The following GTF2F2 variants were observed in gnomAD, a reference collection of about 807,000 sequenced individuals.
GTF2F2 encodes ATP-dependent helicase GTF2F2.
GTF2F2 carries 23 observed loss-of-function variants against 42.2 expected under a neutral mutation model. The ratio of observed to expected loss-of-function variants is 0.55; its 90% CI spans 0.39 to 0.77. GTF2F2 has a LOEUF of 0.77. Ranked by LOEUF, GTF2F2 falls within the 30% of genes least tolerant of loss-of-function variation. The pLI, the probability that GTF2F2 is intolerant of heterozygous loss-of-function variation, is 0.00. For synonymous variants in GTF2F2, 105 were observed against 100.8 expected, an observed-to-expected ratio of 1.04 and a Z score of -0.25; for missense variants, 261 against 287.2, an observed-to-expected ratio of 0.91 and a Z score of 0.66.
intron 5 of GTF2F2, among the ~76,000 whole-genome samples, chr13:45,222,425 T>C (rs920494709): frequency 6.6e-6 from 1 of 152,206 alleles, no homozygotes; most frequent in African/African-American, 2.4e-5. Flanking sequence ...TTGACTTTTA[T>C]TTAATGTATT....
intron 1 of GTF2F2, among the ~76,000 whole-genome samples, chr13:45,130,353 T>C (rs1869278299): frequency 6.6e-6 from 1 of 152,226 alleles, no homozygotes; most frequent in African/African-American, 2.4e-5. Context: ...GTAAAGTGTT[T>C]AGAAAAGTGT....
intron 5 of GTF2F2, among the ~76,000 whole-genome samples, chr13:45,242,256 C>CTTTTT (rs71184405): frequency 8.5e-5 from 9 of 105,684 alleles, no homozygotes; most frequent in Admixed American, 1.0e-4. Flanking sequence ...GCTGGCACTT[C>CTTTTT]TTTTTTTTTT....
At chr13:45,235,895 G>A (rs930555224) in intron 5 of GTF2F2, among the ~76,000 whole-genome samples, 9 of 151,956 alleles carry the variant, frequency 5.9e-5, no homozygotes, top group African/African-American at 2.2e-4. Flanking sequence ...ATGAGCCACC[G>A]CACATGGCCA....
chr13:45,151,176 G>C lies in GTF2F2; in HGVS notation c.160-511G>C, dbSNP rs556034470. On this transcript the variant is annotated intron_variant, in intron 3 of 7. Coordinates refer to ENST00000340473, the MANE Select transcript of GTF2F2 (RefSeq NM_004128.3). The stretch of plus-strand genomic sequence containing the variant: ...CCAATGTCTGTTGTTCCCATCTTTA[G>C]GTCCGTGTCTACCCAATGTTTAGTT... 6.4e-4 allele frequency among the ~76,000 whole-genome samples: 97 copies of C among 152,098 alleles called. 2 individuals carry two copies. Among genetic ancestry groups the C allele is most frequent in the African/African-American group, 2.3e-3 (94 of 41,502 alleles).
At chr13:45,280,092 A>G (rs756051283) in intron 7 of GTF2F2, among the ~76,000 whole-genome samples, 6 of 152,222 alleles carry the variant, frequency 3.9e-5, no homozygotes, top group Admixed American at 6.5e-5. Context: ...GTCTTAAAGA[A>G]TGAGGGGTCC....
intron 4 of GTF2F2, among the ~76,000 whole-genome samples, chr13:45,168,958 C>T (rs1871456822): frequency 7.6e-6 from 1 of 131,238 alleles, no homozygotes; most frequent in Non-Finnish European, 1.6e-5. Flanking sequence ...TTCCCTCTTT[C>T]CCTCCTTACC....
chr13:45,241,979 A>T (rs1875336000), intron 5 of GTF2F2, among the ~76,000 whole-genome samples: 1 of 152,182 alleles, frequency 6.6e-6, no homozygotes, highest in South Asian at 2.1e-4. Context: ...CCAGATAAGG[A>T]TATAATACAT....
At chr13:45,138,955 G>A (rs1448912410) in intron 2 of GTF2F2, among the ~76,000 whole-genome samples, 2 of 152,182 alleles carry the variant, frequency 1.3e-5, no homozygotes, top group East Asian at 1.9e-4. Context: ...CGCGAGTGAA[G>A]ATTATTATGA....
chr13:45,186,796 A>G (rs2138163574), intron 4 of GTF2F2, among the ~76,000 whole-genome samples: 1 of 152,286 alleles, frequency 6.6e-6, no homozygotes, highest in East Asian at 1.9e-4. Flanking sequence ...AACGAGGCAA[A>G]AATCAGTGGG....
chr13:45,191,224 A>AAAATATATATATATATAT, intron 4 of GTF2F2, among the ~76,000 whole-genome samples: 7 of 75,300 alleles, frequency 9.3e-5, no homozygotes, highest in African/African-American at 6.0e-4. Flanking sequence ...ACAAAAAAAA[A>AAAATATATATATATATAT]ATATATATAT....
At chr13:45,185,999 G>C (rs2138162557) in intron 4 of GTF2F2, among the ~76,000 whole-genome samples, 2 of 151,758 alleles carry the variant, frequency 1.3e-5, no homozygotes, top group South Asian at 4.1e-4. Context: ...TCTTGAGGCA[G>C]AATCTCATTC....
At chr13:45,264,466 CAG>C (rs1876482681) in intron 6 of GTF2F2, among the ~76,000 whole-genome samples, 1 of 151,566 alleles carries the variant, frequency 6.6e-6, no homozygotes, top group Non-Finnish European at 1.5e-5. Flanking sequence ...GTATTTTTAG[CAG>C]AGACTTGGCC....
At chr13:45,267,516 T>G in intron 7 of GTF2F2, 140 bp downstream of exon 7, 1 of 556,310 alleles carries the variant, frequency 1.8e-6, no homozygotes, top group South Asian at 3.4e-5. Context: ...AAAAGATGTC[T>G]TAATGCAGCC....
intron 6 of GTF2F2, among the ~76,000 whole-genome samples, chr13:45,265,368 C>T (rs2138262432): frequency 6.6e-6 from 1 of 152,126 alleles, no homozygotes; most frequent in Admixed American, 6.5e-5. Flanking sequence ...CTAGGTAGCT[C>T]TTTGTCCATT....
intron 4 of GTF2F2, chr13:45,206,506 C>T (rs976390947): frequency 2.0e-5 from 3 of 152,182 alleles, no homozygotes; most frequent in African/African-American, 7.2e-5. Context: ...AAATGCACTA[C>T]TCATGAGCCA....
intron 4 of GTF2F2, among the ~76,000 whole-genome samples, chr13:45,152,953 A>G (rs901393962): frequency 6.6e-6 from 1 of 152,182 alleles, no homozygotes; most frequent in African/African-American, 2.4e-5. Flanking sequence ...AAAGAAAGCT[A>G]TAAGAAATTA....
At chr13:45,276,536 A>C (rs548695623) in intron 7 of GTF2F2, among the ~76,000 whole-genome samples, 1 of 151,814 alleles carries the variant, frequency 6.6e-6, no homozygotes, top group Admixed American at 6.6e-5. Context: ...TCCCGAGTTC[A>C]AGTGATTCTC....
chr13:45,190,863 G>A (rs909824967), intron 4 of GTF2F2, among the ~76,000 whole-genome samples: 1 of 149,792 alleles, frequency 6.7e-6, no homozygotes, highest in African/African-American at 2.5e-5. Context: ...CGATCCTCTC[G>A]CCTCAGCCTC....
At position 45,127,957 on chromosome 13, in the gene GTF2F2, T is replaced by C. The variant is rs1262141189; in HGVS notation, c.66+7236T>C. On this transcript the variant is annotated intron_variant, in intron 1 of 7. Transcript: ENST00000340473. The stretch of plus-strand genomic sequence containing the variant: ...CCCGGCCTTTTTTTTTTTTTTTTTT[T>C]TTTTTTTTTTTTCTTTTTTTTTGAG... 2.5e-3 allele frequency among the ~76,000 whole-genome samples: 345 copies of C among 137,844 alleles called. 3 individuals are homozygous for C. The highest frequency in any genetic ancestry group is 8.9e-3 in the African/African-American group (327 of 36,944). The allele number at this position is 137,844 out of a possible 152,430, so 90.4% of individuals were successfully genotyped here.
Sources: allele counts gnomAD v4.1 joint callset (sites outside exome capture counted in the v4.1 genomes callset), GRCh38; gene constraint gnomAD v4.1.1; transcripts MANE v1.5; gene names NCBI Gene and HGNC (gene_info 2026-07-23, HGNC 2026-07-21).